Variants in AKAP6 observed in about 807,000 individuals in gnomAD.
The protein encoded by AKAP6 is A-kinase anchoring protein 6.
A neutral mutation model predicts 188.5 loss-of-function variants in AKAP6; 58 were observed. The observed-to-expected ratio is 0.31, with a 90% CI of 0.25 to 0.38. The LOEUF (loss-of-function observed/expected upper bound fraction) is 0.38. AKAP6 is among the 10% of genes least tolerant of loss of function. The probability of loss-of-function intolerance (pLI) is 1.00; values close to 1 mark genes in which losing one functional copy is unlikely to be tolerated. For missense variants in AKAP6, 2,710 were observed against 2,740.0 expected (o/e 0.99, Z 0.24); for synonymous variants, 989 against 998.6 (o/e 0.99, Z 0.18).
chr14:32,582,413 T>C (rs1594760242), intron 5 of AKAP6, among the ~76,000 whole-genome samples: 2 of 151,056 alleles, frequency 1.3e-5, no homozygotes, highest in South Asian at 2.1e-4. Context: ...CCTTTCTCTC[T>C]GGCTGCCCTT....
At chr14:32,789,972 C>T (rs932012768) in intron 12 of AKAP6, among the ~76,000 whole-genome samples, 3 of 152,064 alleles carry the variant, frequency 2.0e-5, no homozygotes, top group East Asian at 1.9e-4. Context: ...CTAAGAATCA[C>T]GACAAAACAG....
intron 12 of AKAP6, among the ~76,000 whole-genome samples, chr14:32,793,583 T>TA: frequency 1.3e-5 from 2 of 151,956 alleles, no homozygotes; most frequent in East Asian, 3.9e-4. Flanking sequence ...AGTAGGAGAC[T>TA]GTAACACCCC....
rs183304680 is a variant in AKAP6, at chr14:32,739,787, G to C, written c.3372+3905G>C. Among the ~76,000 whole-genome samples, 396 of 152,206 alleles carry C rather than the reference G, an allele frequency of 2.6e-3. 1 individual carries two copies. The highest frequency in any genetic ancestry group is 8.9e-3 in the African/African-American group (371 of 41,552). ...CATTCTTCTGTTGGTGGATACTTAGGTTGGGCTTCCAAATCTTGGCTATTG... is the reference window on the plus strand; with the variant it reads ...CATTCTTCTGTTGGTGGATACTTAGCTTGGGCTTCCAAATCTTGGCTATTG... On this transcript the variant is annotated intron_variant, in intron 11 of 13. Coordinates refer to ENST00000280979, the MANE Select transcript of AKAP6 (RefSeq NM_004274.5).
Position 32,514,626 on chromosome 14 carries a change from T to A in AKAP6, c.325-20928T>A, listed in dbSNP as rs545940477. On this transcript the variant is annotated intron_variant, in intron 2 of 13. Transcript: ENST00000280979. The stretch of plus-strand genomic sequence containing the variant: ...ACCTTGAAACGCTCCAGAATTTCAA[T>A]GGAGTTACTAGAAATTTACATCAGA... Among the ~76,000 whole-genome samples, 35 of 152,320 alleles carry A rather than the reference T, an allele frequency of 2.3e-4. 1 individual carries two copies. The South Asian group carries it at 5.8e-3, about 25-fold the overall frequency.
At chr14:32,355,225 CAATA>C (rs1887438975) in intron 1 of AKAP6, among the ~76,000 whole-genome samples, 1 of 151,286 alleles carries the variant, frequency 6.6e-6, no homozygotes, top group Non-Finnish European at 1.5e-5. Flanking sequence ...GGAAACATTT[CAATA>C]CTTACATAAT....
intron 1 of AKAP6, among the ~76,000 whole-genome samples, chr14:32,352,301 A>T (rs1887314695): frequency 6.6e-6 from 1 of 151,162 alleles, no homozygotes; most frequent in Admixed American, 6.6e-5. Flanking sequence ...CAATAATTAT[A>T]CATATTTGGG....
intron 2 of AKAP6, chr14:32,495,433 A>G (rs1457014540): frequency 6.6e-6 from 1 of 152,194 alleles, no homozygotes; most frequent in Non-Finnish European, 1.5e-5. Context: ...GGCATTCCTT[A>G]TAAGACTGAC....
intron 7 of AKAP6, among the ~76,000 whole-genome samples, chr14:32,632,608 G>C (rs551129414): frequency 6.6e-6 from 1 of 152,142 alleles, no homozygotes; most frequent in Admixed American, 6.6e-5. Flanking sequence ...ATCCAAACAG[G>C]AGAGCTTGAT....
chr14:32,355,459 G>A (rs565106974), intron 1 of AKAP6, among the ~76,000 whole-genome samples: 16 of 152,262 alleles, frequency 1.1e-4, no homozygotes, highest in African/African-American at 1.4e-4. Context: ...GCCACAGACC[G>A]TCTGGCAGGA....
chr14:32,827,035 A>G (rs1163776250), intron 13 of AKAP6, among the ~76,000 whole-genome samples: 2 of 152,182 alleles, frequency 1.3e-5, no homozygotes, highest in African/African-American at 2.4e-5. Context: ...GGATGCCTGA[A>G]ATTTTTACCA....
At chr14:32,424,922 A>G (rs1432397819) in intron 1 of AKAP6, among the ~76,000 whole-genome samples, 3 of 152,096 alleles carry the variant, frequency 2.0e-5, no homozygotes, top group Admixed American at 1.3e-4. Flanking sequence ...ATTTAGGTTG[A>G]TTCCATGTCT....
chr14:32,680,324 A>G (rs1594840829), intron 8 of AKAP6, among the ~76,000 whole-genome samples: 1 of 152,230 alleles, frequency 6.6e-6, no homozygotes, highest in East Asian at 1.9e-4. Context: ...GCATTGTTTG[A>G]GAAATGCATG....
intron 1 of AKAP6, among the ~76,000 whole-genome samples, chr14:32,385,464 G>A (rs1208633957): frequency 1.3e-5 from 2 of 149,536 alleles, no homozygotes; most frequent in Non-Finnish European, 3.0e-5. Flanking sequence ...GGATACATGA[G>A]TAAGTTCTTT....
At chr14:32,460,966 C>T (rs760386521) in intron 2 of AKAP6, among the ~76,000 whole-genome samples, 3 of 152,162 alleles carry the variant, frequency 2.0e-5, no homozygotes, top group African/African-American at 7.2e-5. Flanking sequence ...CTGGACTGGG[C>T]GGAACTCACC....
chr14:32,546,372 C>A lies in AKAP6; in HGVS notation c.1719C>A (p.Ser573=). The change falls in exon 4 of 14, where the codon TCC becomes TCA. Residue 573 remains serine, a synonymous_variant. Coordinates refer to ENST00000280979, the MANE Select transcript of AKAP6 (RefSeq NM_004274.5). ...AATTGCAATTGCAGTCAGAAACATC[C>A]AGTTCACCAGCTTTTACTCAGAGCA... ...NAKLQLQSET[S]SSPAFTQSSE... 6.2e-7 allele frequency: 1 copy of A among 1,614,158 alleles called. No homozygotes were observed. Among genetic ancestry groups the A allele is most frequent in the Non-Finnish European group, 8.5e-7 (1 of 1,180,030 alleles).
chr14:32,486,543 G>A (rs1365309472), intron 2 of AKAP6, among the ~76,000 whole-genome samples: 1 of 152,130 alleles, frequency 6.6e-6, no homozygotes, highest in Non-Finnish European at 1.5e-5. Context: ...TCCCTTGTAA[G>A]TTTTATTTCT....
At chr14:32,763,418 G>A (rs771473217) in intron 11 of AKAP6, among the ~76,000 whole-genome samples, 2 of 152,076 alleles carry the variant, frequency 1.3e-5, no homozygotes, top group Non-Finnish European at 2.9e-5. Context: ...AAATGGTCCT[G>A]AAGACAGTGT....
At chr14:32,738,316 C>A (rs2300835) in intron 11 of AKAP6, among the ~76,000 whole-genome samples, 24,563 of 151,894 alleles carry the variant, frequency 0.16, 2,041 homozygotes, top group Middle Eastern at 0.2. Flanking sequence ...CTAAAGACTC[C>A]AAATGGGAAG....
chr14:32,415,865 T>G (rs911615321), intron 1 of AKAP6, among the ~76,000 whole-genome samples: 1 of 152,192 alleles, frequency 6.6e-6, no homozygotes, highest in Non-Finnish European at 1.5e-5. Context: ...ATATCAGATT[T>G]TCCTTCCTTT....
Sources: gnomAD v4.1 joint callset for allele counts (sites outside exome capture counted in the v4.1 genomes callset) on GRCh38, gnomAD v4.1.1 for gene constraint, MANE v1.5 for transcripts, NCBI Gene and HGNC (gene_info 2026-07-23, HGNC 2026-07-21) for gene names.